UGT1A8: variants seen among roughly 807,000 people sequenced by gnomAD.
UGT1A8 encodes the protein UDP-glucuronosyltransferase 1A8.
UGT1A8 carries 39 observed loss-of-function variants against 45.3 expected under a neutral mutation model. The observed-to-expected ratio is 0.86, with a 90% CI of 0.67 to 1.12. The LOEUF (loss-of-function observed/expected upper bound fraction) is 1.12. Among genes scored for constraint, UGT1A8 ranks in the 50% most tolerant of loss-of-function variants. The pLI is 0.00. For missense variants in UGT1A8, 719 were observed against 664.9 expected (o/e 1.08, Z -0.90); for synonymous variants, 275 against 249.2 (o/e 1.10, Z -0.97).
chr2:233,654,766 C>T (rs1438853286), intron 1 of UGT1A8, among the ~76,000 whole-genome samples: 1 of 152,068 alleles, frequency 6.6e-6, no homozygotes, highest in Non-Finnish European at 1.5e-5. Context: ...CTGTTTTAGA[C>T]CCAGTCCAGT....
rs45437497 is a variant in UGT1A8, at chr2:233,682,211, G to A, written c.855+63649G>A. 52 of 1,614,224 alleles carry A rather than the reference G, an allele frequency of 3.2e-5. No homozygotes were observed. The African/African-American group carries it at 6.9e-4, about 22-fold the overall frequency. Reference sequence around the variant, plus strand: ...GGAGGATCAGGACCGGGAGTTCATGGTTTTTGCCGATGCTCGCTGGACGGC... The same window carrying A: ...GGAGGATCAGGACCGGGAGTTCATGATTTTTGCCGATGCTCGCTGGACGGC... On this transcript the variant is annotated intron_variant, in intron 1 of 4. Coordinates refer to ENST00000373450, the MANE Select transcript of UGT1A8 (RefSeq NM_019076.5).
rs780416991 is a variant in UGT1A8 at position 233,693,499 on chromosome 2, A to G, written c.856-73535A>G. 4 of 1,614,132 alleles carry G rather than the reference A, an allele frequency of 2.5e-6. No individual in the cohort carries two copies. The South Asian group carries it at 4.4e-5, about 18-fold the overall frequency. Reference sequence around the variant, plus strand: ...TGATCCTGGCTGAGTATTTGGGCCTACCATCTGTGTACCTCTTCAGGGGTT... The same window carrying G: ...TGATCCTGGCTGAGTATTTGGGCCTGCCATCTGTGTACCTCTTCAGGGGTT... On this transcript the variant is annotated intron_variant, in intron 1 of 4. Coordinates refer to ENST00000373450, the MANE Select transcript of UGT1A8 (RefSeq NM_019076.5).
intron 1 of UGT1A8, among the ~76,000 whole-genome samples, chr2:233,658,398 A>G (rs1006150153): frequency 1.3e-5 from 2 of 152,212 alleles, no homozygotes; most frequent in African/African-American, 4.8e-5. Context: ...ATGATGAACT[A>G]AAGTCTGTGT....
In UGT1A8 at chr2:233,618,472, A is replaced by G. The variant is rs1042605; in HGVS notation, c.765A>G (p.Thr255=). ...ACACATCAATTTGGTTGTTGCGAAC[A>G]GACTTTGTTTTGGACTATCCCAAAC... ...YSHTSIWLLR[T]DFVLDYPKPV... Residue 255 remains threonine (T), a synonymous_variant, in exon 1 of 5, where the codon ACA becomes ACG. Coordinates refer to ENST00000373450, the MANE Select transcript of UGT1A8 (RefSeq NM_019076.5). 240,044 of 1,613,838 alleles carry G rather than the reference A, an allele frequency of 0.15. 18,980 individuals are homozygous for G. The highest frequency in any genetic ancestry group is 0.21 in the African/African-American group (15,955 of 74,966).
chr2:233,680,970 C>T (rs12472689), intron 1 of UGT1A8, among the ~76,000 whole-genome samples: 27,603 of 151,780 alleles, frequency 0.18, 2,725 homozygotes, highest in Non-Finnish European at 0.23. Flanking sequence ...TGGAAGGGTC[C>T]ATGGAGGCAG....
At chr2:233,738,135 C>T (rs965313683) in intron 1 of UGT1A8, among the ~76,000 whole-genome samples, 2 of 152,178 alleles carry the variant, frequency 1.3e-5, no homozygotes, top group African/African-American at 4.8e-5. Context: ...GGGCCCTTAT[C>T]CCTTCACTTG....
rs1262132657 is a variant in UGT1A8 at position 233,717,698 on chromosome 2, A to G, written c.856-49336A>G. 9.0e-6 allele frequency: 4 copies of G among 446,168 alleles called. No homozygotes were observed. In the Admixed American group the frequency reaches 9.5e-5, roughly 11 times the overall value. The allele number at this position is 446,168 out of a possible 1,614,324, so 27.6% of individuals were successfully genotyped here. A position where few individuals can be genotyped will look rare whatever the true frequency, so the allele number is the denominator to read the frequency against. On this transcript the variant is annotated intron_variant, in intron 1 of 4. Transcript: ENST00000373450. Reference sequence around the variant, plus strand: ...AGCACATGTAGGAGTGACTTTCTGGAGCAGGACGAGCCTCATGGGCATGAG... The same window carrying G: ...AGCACATGTAGGAGTGACTTTCTGGGGCAGGACGAGCCTCATGGGCATGAG...
At chr2:233,679,769 A>C (rs2074462034) in intron 1 of UGT1A8, among the ~76,000 whole-genome samples, 1 of 152,022 alleles carries the variant, frequency 6.6e-6, no homozygotes, top group Non-Finnish European at 1.5e-5. Context: ...GTTGCCATTA[A>C]ATTCTCCAGT....
At chr2:233,654,984 G>A (rs1235686674) in intron 1 of UGT1A8, among the ~76,000 whole-genome samples, 4 of 152,022 alleles carry the variant, frequency 2.6e-5, no homozygotes, top group Non-Finnish European at 5.9e-5. Flanking sequence ...ATAGCTACTC[G>A]AGTCTGAGGC....
intron 1 of UGT1A8, chr2:233,747,713 T>A (rs1051640547): frequency 6.2e-7 from 1 of 1,613,024 alleles, no homozygotes; most frequent in African/African-American, 1.3e-5. Context: ...ACCTATCAAT[T>A]CCTGCTGTGT....
rs773325642 is a variant in UGT1A8, at chr2:233,682,608, T to C, written c.855+64046T>C. On this transcript the variant is annotated intron_variant, in intron 1 of 4. Transcript: ENST00000373450. The stretch of plus-strand genomic sequence containing the variant: ...GAACATTTATTTTGCCCCTATTTTT[T>C]CAAAAATGTCTTAGAAATAGCCTCT... 176 of 1,613,816 alleles carry C rather than the reference T, an allele frequency of 1.1e-4. No individual in the cohort carries two copies. The highest frequency in any genetic ancestry group is 1.4e-4 in the Non-Finnish European group (160 of 1,179,850).
chr2:233,684,461 T>A (rs2074680771), intron 1 of UGT1A8, among the ~76,000 whole-genome samples: 2 of 152,162 alleles, frequency 1.3e-5, no homozygotes, highest in South Asian at 4.1e-4. Flanking sequence ...TCTGAACCCA[T>A]GCTGAGTTTG....
intron 2 of UGT1A8, among the ~76,000 whole-genome samples, 198 bp downstream of exon 2, chr2:233,767,363 TTAAA>T (rs1699378447): frequency 6.6e-6 from 1 of 152,194 alleles, no homozygotes; most frequent in African/African-American, 2.4e-5. Context: ...AAATACTCTA[TTAAA>T]CTATGATCCA....
chr2:233,760,729 A>G lies in UGT1A8; in HGVS notation c.856-6305A>G, dbSNP rs1289728507. On this transcript the variant is annotated intron_variant, in intron 1 of 4. Coordinates refer to ENST00000373450, the MANE Select transcript of UGT1A8 (RefSeq NM_019076.5). ...CCTGGCAGAAAGCAGCTTTGATGTCATGCTGACGGACCCTTTCCTTCCTTG... is the reference window on the plus strand; with the variant it reads ...CCTGGCAGAAAGCAGCTTTGATGTCGTGCTGACGGACCCTTTCCTTCCTTG... 1.9e-6 allele frequency: 3 copies of G among 1,614,196 alleles called. No individual in the cohort carries two copies. The Admixed American group carries it at 5.0e-5, about 27-fold the overall frequency.
chr2:233,713,130 GC>G (rs768171102), intron 1 of UGT1A8: 197 of 1,614,124 alleles, frequency 1.2e-4, no homozygotes, highest in Non-Finnish European at 1.5e-4. Flanking sequence ...CATGCGGGAG[GC>G]CTTGCGGGAC....
At chr2:233,649,992 CAG>C (rs1466785786) in intron 1 of UGT1A8, among the ~76,000 whole-genome samples, 2 of 152,138 alleles carry the variant, frequency 1.3e-5, no homozygotes, top group Admixed American at 1.3e-4. Flanking sequence ...TGTTTTGAGA[CAG>C]AGTTTCACTC....
chr2:233,747,477 T>G lies in UGT1A8; in HGVS notation c.856-19557T>G, dbSNP rs1368203969. 4 of 1,608,578 alleles carry G rather than the reference T, an allele frequency of 2.5e-6. No homozygotes were observed. In the Admixed American group the frequency reaches 6.7e-5, roughly 27 times the overall value. Reference sequence around the variant, plus strand: ...TGCCATTTCATGGACCCAGGATGAATTTGATCGCCTTGTGCTGGGCCACAC... The same window carrying G: ...TGCCATTTCATGGACCCAGGATGAAGTTGATCGCCTTGTGCTGGGCCACAC... On this transcript the variant is annotated intron_variant, in intron 1 of 4. Transcript: ENST00000373450.
intron 1 of UGT1A8, among the ~76,000 whole-genome samples, chr2:233,658,556 T>G (rs2073902859): frequency 6.6e-6 from 1 of 152,228 alleles, no homozygotes; most frequent in Non-Finnish European, 1.5e-5. Flanking sequence ...TTTCGATGAC[T>G]TTGACAGTTT....
chr2:233,719,813 A>T, intron 1 of UGT1A8: 2 of 1,586,286 alleles, frequency 1.3e-6, no homozygotes, highest in Non-Finnish European at 1.7e-6. Flanking sequence ...TCTTTATAAC[A>T]GATAAACTGT....
Sources: gnomAD v4.1 joint callset for allele counts (sites outside exome capture counted in the v4.1 genomes callset) on GRCh38, gnomAD v4.1.1 for gene constraint, MANE v1.5 for transcripts, NCBI Gene and HGNC (gene_info 2026-07-23, HGNC 2026-07-21) for gene names.